The following ABI2 variants were observed in gnomAD, a reference collection of about 807,000 sequenced individuals.
The protein encoded by ABI2 is abelson interactor 2.
Under a neutral mutation model 59.2 loss-of-function variants are expected in ABI2, and 25 were observed. The ratio of observed to expected loss-of-function variants is 0.42; its 90% CI spans 0.31 to 0.59. The LOEUF (loss-of-function observed/expected upper bound fraction) is 0.59. ABI2 is among the 20% of genes least tolerant of loss of function. The pLI is 0.14. For synonymous variants in ABI2, 213 were observed against 235.5 expected, an observed-to-expected ratio of 0.90 and a Z score of 0.87; for missense variants, 545 against 681.8, an observed-to-expected ratio of 0.80 and a Z score of 2.23.
Position 203,402,603 on chromosome 2 carries a change from A to G in ABI2, c.1061A>G (p.Asn354Ser), listed in dbSNP as rs2097267959. ...CATCCTGTACAGTTCTACAGCATGA[A>G]TAGGCCTGCCTCTCGCCATACTCCC... The part of the protein sequence containing the change: ...TGHPVQFYSM[N>S]RPASRHTPPT... Residue 354 changes from asparagine to serine, a missense_variant, in exon 9 of 12, where the codon AAT (asparagine) becomes AGT (serine). Physicochemically the swap from Asn to Ser is conservative, Grantham distance 46. This residue lies in a region of ABI2 where 410 missense variants were observed against 435.6 expected (regional missense o/e 0.94). Coordinates refer to ENST00000261018, the MANE Select transcript of ABI2 (RefSeq NM_001375670.1). 1 of 1,593,318 alleles carries G rather than the reference A, an allele frequency of 6.3e-7. No homozygotes were observed. Among genetic ancestry groups the G allele is most frequent in the South Asian group, 1.2e-5 (1 of 86,470 alleles).
Position 203,427,466 on chromosome 2 carries a change from T to C in ABI2, c.*114T>C, listed in dbSNP as rs1467142092. 2.9e-6 allele frequency: 3 copies of C among 1,029,412 alleles called. No individual in the cohort carries two copies. The highest frequency in any genetic ancestry group is 4.1e-6 in the Non-Finnish European group (3 of 738,014). 63.8% of individuals were successfully genotyped at this position (1,029,412 alleles called of 1,614,324 possible). A position where few individuals can be genotyped will look rare whatever the true frequency, so the allele number is the denominator to read the frequency against. ...GAATGAAGGATACAAATGATAAAAA[T>C]TACACTTTTTTTTTTGGTTTATTCC... On this transcript the variant is annotated 3_prime_UTR_variant, in exon 12 of 12. Transcript: ENST00000261018.
At chr2:203,388,073 T>C (rs554502404) in intron 4 of ABI2, among the ~76,000 whole-genome samples, 11 of 152,312 alleles carry the variant, frequency 7.2e-5, no homozygotes, top group Admixed American at 6.5e-5. Context: ...ATTATAAAAA[T>C]TGTTTTGTTT....
At chr2:203,370,622 T>A (rs1185509149) in intron 2 of ABI2, among the ~76,000 whole-genome samples, 1 of 152,162 alleles carries the variant, frequency 6.6e-6, no homozygotes, top group Non-Finnish European at 1.5e-5. Flanking sequence ...AGTGTTAAAT[T>A]TTATTATGAT....
intron 1 of ABI2, among the ~76,000 whole-genome samples, chr2:203,338,955 T>TAA (rs1300644453): frequency 7.8e-4 from 7 of 8,924 alleles, no homozygotes; most frequent in African/African-American, 1.7e-3. Context: ...TATATATATA[T>TAA]ATATATAAAT....
At chr2:203,372,713 C>CG (rs975670676) in intron 2 of ABI2, among the ~76,000 whole-genome samples, 2 of 149,910 alleles carry the variant, frequency 1.3e-5, no homozygotes, top group African/African-American at 4.9e-5. Context: ...ACTTCTCAGA[C>CG]GGGGCGGCTG....
intron 1 of ABI2, 34 bp downstream of exon 1, chr2:203,328,665 AC>A (rs529794533): frequency 2.5e-5 from 36 of 1,414,520 alleles, no homozygotes; most frequent in South Asian, 3.0e-5. Flanking sequence ...CGCGTCGGGG[AC>A]CCCCCCGCCG....
intron 1 of ABI2, among the ~76,000 whole-genome samples, chr2:203,355,724 G>T (rs1157683106): frequency 6.6e-6 from 1 of 151,144 alleles, no homozygotes; most frequent in South Asian, 2.1e-4. Context: ...CCAGCTACTC[G>T]GGAGGCTGAG....
rs1156536730 is a variant in ABI2 at position 203,408,833 on chromosome 2, C to CTTTTTTTTTTTTTTTTTTTT, written c.1193-2436_1193-2435insTTTTTTTTTTTTTTTTTTTT. Among the ~76,000 whole-genome samples, 8 of 87,212 alleles carry CTTTTTTTTTTTTTTTTTTTT rather than the reference C, an allele frequency of 9.2e-5. 2 individuals carry two copies. The highest frequency in any genetic ancestry group is 1.9e-4 in the Non-Finnish European group (8 of 41,752). 57.2% of individuals were successfully genotyped at this position (87,212 alleles called of 152,430 possible). A position where few individuals can be genotyped will look rare whatever the true frequency, so the allele number is the denominator to read the frequency against. On this transcript the variant is annotated intron_variant, in intron 9 of 11. Transcript: ENST00000261018. Reference sequence around the variant, plus strand: ...TTTTGTCTATGCTACCTTCTCCTTTCTTTTTTTTTTTTTTTTGAGACGGAG... The same window carrying CTTTTTTTTTTTTTTTTTTTT: ...TTTTGTCTATGCTACCTTCTCCTTTCTTTTTTTTTTTTTTTTTTTTTTTTTTTTTTTTTTTTGAGACGGAG...
intron 1 of ABI2, among the ~76,000 whole-genome samples, chr2:203,356,228 C>T (rs553517086): frequency 6.6e-6 from 1 of 152,184 alleles, no homozygotes; most frequent in African/African-American, 2.4e-5. Context: ...TGCTCTGTCA[C>T]CCAGGCTGGA....
chr2:203,364,880 T>C (rs2094179026), intron 1 of ABI2, among the ~76,000 whole-genome samples: 2 of 151,772 alleles, frequency 1.3e-5, no homozygotes, highest in Admixed American at 1.3e-4. Flanking sequence ...ACTACAGGGG[T>C]CCACCATCAT....
At chr2:203,377,518 T>TA (rs34955159) in intron 2 of ABI2, among the ~76,000 whole-genome samples, 3 of 152,164 alleles carry the variant, frequency 2.0e-5, no homozygotes. Context: ...ACCCATTTTA[T>TA]AAAAAAAGTG....
At chr2:203,351,892 A>G (rs2088850032) in intron 1 of ABI2, among the ~76,000 whole-genome samples, 1 of 152,202 alleles carries the variant, frequency 6.6e-6, no homozygotes, top group Non-Finnish European at 1.5e-5. Context: ...GTTCTGGTCA[A>G]TGATGGACAG....
intron 10 of ABI2, among the ~76,000 whole-genome samples, chr2:203,414,221 C>T (rs1186858617): frequency 2.0e-5 from 3 of 151,660 alleles, no homozygotes. Flanking sequence ...CATGCCTCAG[C>T]CTCGTGAGCA....
intron 1 of ABI2, among the ~76,000 whole-genome samples, chr2:203,331,701 G>A (rs560208368): frequency 4.7e-4 from 72 of 151,600 alleles, no homozygotes; most frequent in African/African-American, 1.7e-3. Flanking sequence ...CCACTAGCTC[G>A]AGTTAACTAA....
At chr2:203,339,147 A>T (rs1054239248) in intron 1 of ABI2, among the ~76,000 whole-genome samples, 1 of 151,194 alleles carries the variant, frequency 6.6e-6, no homozygotes, top group African/African-American at 2.4e-5. Context: ...CATTAGGGAA[A>T]TGCAAGTCAA....
rs562625980 is a variant in ABI2 at position 203,398,482 on chromosome 2, T to C, written c.1033+1515T>C. 7.9e-5 allele frequency among the ~76,000 whole-genome samples: 12 copies of C among 152,342 alleles called. No homozygotes were observed. In the South Asian group the frequency reaches 2.5e-3, roughly 32 times the overall value. On this transcript the variant is annotated intron_variant, in intron 8 of 11. Transcript: ENST00000261018. ...AACAAAAAGCAAGGTAAATGTCTTATTAATAATTTATATCAGGATAGTCTG... is the reference window on the plus strand; with the variant it reads ...AACAAAAAGCAAGGTAAATGTCTTACTAATAATTTATATCAGGATAGTCTG...
At chr2:203,388,085 G>A (rs1259508544) in intron 4 of ABI2, among the ~76,000 whole-genome samples, 4 of 151,540 alleles carry the variant, frequency 2.6e-5, no homozygotes, top group Non-Finnish European at 4.4e-5. Flanking sequence ...GTTTTGTTTG[G>A]CATTTATTTC....
intron 1 of ABI2, among the ~76,000 whole-genome samples, chr2:203,351,045 G>T (rs1198866047): frequency 1.3e-5 from 2 of 151,966 alleles, no homozygotes; most frequent in African/African-American, 4.8e-5. Flanking sequence ...GTAAAGTAGG[G>T]GTTCATATTT....
rs537166822 is a variant in ABI2 at position 203,411,186 on chromosome 2, A to G, written c.1193-99A>G. On this transcript the variant is annotated intron_variant, in intron 9 of 11. Coordinates refer to ENST00000261018, the MANE Select transcript of ABI2 (RefSeq NM_001375670.1). ...CACTGATAAAATGTTTGTGAATAGT[A>G]GTTTCCCTCCTTTATGTGTTTATTT... The G allele has an allele frequency of 2.7e-5, 23 of 845,960 alleles. No individual in the cohort carries two copies. The African/African-American group carries it at 3.4e-4, about 12-fold the overall frequency. The allele number at this position is 845,960 out of a possible 1,614,324, so 52.4% of individuals were successfully genotyped here.
Sources: gnomAD v4.1 joint callset for allele counts (sites outside exome capture counted in the v4.1 genomes callset) on GRCh38, gnomAD v4.1.1 for gene constraint, gnomAD v4.1.1 regional missense constraint, MANE v1.5 for transcripts, NCBI Gene and HGNC (gene_info 2026-07-23, HGNC 2026-07-21) for gene names.